ZNF324B: variants seen among roughly 807,000 people sequenced by gnomAD.
ZNF324B encodes zinc finger protein 324B.
A neutral mutation model predicts 10.6 loss-of-function variants in ZNF324B; 7 were observed. The observed-to-expected ratio is 0.66, with a 90% CI of 0.38 to 1.24. The LOEUF (loss-of-function observed/expected upper bound fraction) is 1.24, where lower values mean the gene tolerates loss of function less well. ZNF324B is among the 50% of genes most tolerant of loss of function. The probability of loss-of-function intolerance (pLI) is 0.02; values close to 1 mark genes in which losing one functional copy is unlikely to be tolerated. For synonymous variants in ZNF324B, 316 were observed against 321.0 expected (o/e 0.98, Z 0.17); for missense variants, 640 against 764.7 (o/e 0.84, Z 1.92).
chr19:58,420,630 G>T, the ZNF324B span, among the ~76,000 whole-genome samples: 1 of 151,858 alleles, frequency 6.6e-6, no homozygotes, highest in Admixed American at 6.6e-5. Flanking sequence ...TGAACTCTTG[G>T]GCTCAAGTGA....
the ZNF324B span, among the ~76,000 whole-genome samples, chr19:58,425,891 T>A: frequency 6.6e-6 from 1 of 152,258 alleles, no homozygotes; most frequent in Non-Finnish European, 1.5e-5. Flanking sequence ...ATGTTTCCAC[T>A]GCTTTACTCA....
chr19:58,437,073 T>C, the ZNF324B span: 3 of 1,614,174 alleles, frequency 1.9e-6, no homozygotes, highest in Non-Finnish European at 2.5e-6. Context: ...CTCAAGGTTT[T>C]CCAGCATCAC....
the ZNF324B span, among the ~76,000 whole-genome samples, chr19:58,424,338 G>A: frequency 2.0e-5 from 3 of 152,126 alleles, no homozygotes; most frequent in Non-Finnish European, 4.4e-5. Flanking sequence ...AAATATATTC[G>A]ACATCTTTTA....
chr19:58,427,507 T>C, the ZNF324B span, among the ~76,000 whole-genome samples: 83 of 98,470 alleles, frequency 8.4e-4, 3 homozygotes, highest in African/African-American at 3.5e-3. Context: ...TCTTTCTTTT[T>C]CTTTCTTTCT....
At chr19:58,435,093 G>C in the ZNF324B span, 1 of 1,614,060 alleles carries the variant, frequency 6.2e-7, no homozygotes, top group African/African-American at 1.3e-5. Flanking sequence ...GCCCACACAT[G>C]TCACAGGAGT....
chr19:58,453,795 GA>G lies in ZNF324B; in HGVS notation c.98del (p.Asn33ThrfsTer5). On this transcript the variant is annotated frameshift_variant, in exon 2 of 4. Transcript: ENST00000336614. LOFTEE classifies it high-confidence loss of function. ...QRALYRHVML[E>X]NFTLVTSLGL... The stretch of plus-strand genomic sequence containing the variant: ...GGCCCTGTACCGCCACGTGATGCTG[GA>G]AAACTTCACACTTGTGACCTCACTT... The G allele has an allele frequency of 6.2e-7, 1 of 1,614,154 alleles. No homozygotes were observed. Among genetic ancestry groups the G allele is most frequent in the Non-Finnish European group, 8.5e-7 (1 of 1,179,992 alleles).
chr19:58,446,796 C>T (rs1424476624), upstream of ZNF324B, among the ~76,000 whole-genome samples: 3 of 151,858 alleles, frequency 2.0e-5, no homozygotes, highest in African/African-American at 4.8e-5. Flanking sequence ...AAGATGGTCT[C>T]GATCTCCTGA....
chr19:58,451,414 G>T (rs912902716), upstream of ZNF324B, among the ~76,000 whole-genome samples: 3 of 152,246 alleles, frequency 2.0e-5, no homozygotes, highest in Non-Finnish European at 4.4e-5. Context: ...GTGCCACGGA[G>T]CCCTTGGAAA....
chr19:58,431,188 G>A, the ZNF324B span: 1 of 152,244 alleles, frequency 6.6e-6, no homozygotes, highest in Non-Finnish European at 1.5e-5. Context: ...ACTCCCTTGT[G>A]TGGGGTTTCT....
chr19:58,439,733 G>A, the ZNF324B span: 17 of 1,499,666 alleles, frequency 1.1e-5, no homozygotes, highest in Non-Finnish European at 1.5e-5. Flanking sequence ...CCCAGCGGGT[G>A]AGGGCCTGGG....
the ZNF324B span, among the ~76,000 whole-genome samples, chr19:58,427,437 TCC>T: frequency 1.5e-4 from 5 of 33,678 alleles, no homozygotes; most frequent in African/African-American, 6.2e-4. Context: ...CTTCCTTCCT[TCC>T]TTCCTTTCCT....
upstream of ZNF324B, among the ~76,000 whole-genome samples, chr19:58,450,815 A>T (rs184438724): frequency 5.8e-4 from 88 of 152,330 alleles, no homozygotes; most frequent in African/African-American, 2.1e-3. Context: ...TTCTCTGCCA[A>T]CAACATGGTC....
rs779873309 is a variant in ZNF324B at position 58,456,517 on chromosome 19, C to T, written c.1573C>T (p.His525Tyr). 1.1e-4 allele frequency: 181 copies of T among 1,614,088 alleles called. No individual in the cohort carries two copies. The highest frequency in any genetic ancestry group is 1.5e-4 in the Non-Finnish European group (175 of 1,180,040). The stretch of plus-strand genomic sequence containing the variant: ...CCCGGGGCCAGGTTTCCTTCAGGGA[C>T]ATCATCGGAAGGTGCGCCGGGGAGG... ...CTPGPGFLQGHHRKVRRGGKP... is the reference protein window; with the variant it reads ...CTPGPGFLQGYHRKVRRGGKP... The change falls in exon 4 of 4, where the codon CAT becomes TAT. Residue 525 changes from histidine to tyrosine, a missense_variant. By Grantham distance (83) the His-to-Tyr change is moderately conservative (BLOSUM62 2). Transcript: ENST00000336614. This position sits in a 1 kb window ranked among gnomAD's most constrained non-coding sequence, Gnocchi z 4.7.
chr19:58,446,573 CTTTTTTT>C, the ZNF324B span, among the ~76,000 whole-genome samples: 53 of 102,504 alleles, frequency 5.2e-4, no homozygotes, highest in South Asian at 4.8e-3. Context: ...ATTTCTTTCT[CTTTTTTT>C]TTTTTTTTTT....
rs757869259 is a variant in ZNF324B at position 58,455,492 on chromosome 19, G to T, written c.548G>T (p.Arg183Leu). The T allele has an allele frequency of 1.9e-6, 3 of 1,613,920 alleles. No individual in the cohort carries two copies. Among genetic ancestry groups the T allele is most frequent in the African/African-American group, 1.3e-5 (1 of 74,934 alleles). ...AGGGAAAAGACCTTCACAGAGTACC[G>T]GGTGCCTGGGAGGCAGCCCAGGACG... ...RPREKTFTEYRVPGRQPRTPE... is the reference protein window; with the variant it reads ...RPREKTFTEYLVPGRQPRTPE... The change falls in exon 4 of 4, where the codon CGG (arginine) becomes CTG (leucine). Residue 183 changes from arginine (R) to leucine (L), a missense_variant. Arg to Leu is a moderately radical substitution (Grantham distance 102). Coordinates refer to ENST00000336614, the MANE Select transcript of ZNF324B (RefSeq NM_207395.3). This position sits in a 1 kb window ranked among gnomAD's most constrained non-coding sequence, Gnocchi z 7.0.
chr19:58,425,067 A>T, the ZNF324B span, among the ~76,000 whole-genome samples: 2 of 152,106 alleles, frequency 1.3e-5, no homozygotes, highest in African/African-American at 4.8e-5. Flanking sequence ...CAGCATTGCC[A>T]ACGTAATGAA....
the ZNF324B span, chr19:58,436,767 G>A: frequency 1.7e-5 from 9 of 537,868 alleles, no homozygotes; most frequent in Admixed American, 2.4e-4. Context: ...CCAGGGATTG[G>A]TGAATCTCAG....
At chr19:58,427,343 C>CTTTCTTTCTTTCTT in the ZNF324B span, among the ~76,000 whole-genome samples, 6 of 23,098 alleles carry the variant, frequency 2.6e-4, no homozygotes, top group Admixed American at 2.5e-3. Context: ...TTCTTTCTTT[C>CTTTCTTTCTTTCTT]TCTTTCCTTT....
chr19:58,446,470 G>C, the ZNF324B span, among the ~76,000 whole-genome samples: 1 of 151,998 alleles, frequency 6.6e-6, no homozygotes, highest in Non-Finnish European at 1.5e-5. Context: ...GGGATGGTAG[G>C]GGCCTTGCAC....
Sources: allele counts gnomAD v4.1 joint callset (sites outside exome capture counted in the v4.1 genomes callset), GRCh38; gene constraint gnomAD v4.1.1; non-coding constraint Gnocchi (gnomAD v3.1); transcripts MANE v1.5; gene names NCBI Gene and HGNC (gene_info 2026-07-23, HGNC 2026-07-21).